Variants in CD44 observed in about 807,000 individuals in gnomAD.
The protein encoded by CD44 is CD44 antigen.
Under a neutral mutation model 88.8 loss-of-function variants are expected in CD44, and 49 were observed. That is an observed-to-expected ratio of 0.55 (90% CI 0.44 to 0.70). The LOEUF (loss-of-function observed/expected upper bound fraction) is 0.70, where lower values mean the gene tolerates loss of function less well. CD44 is among the 30% of genes least tolerant of loss of function. The pLI, the probability that CD44 is intolerant of heterozygous loss-of-function variation, is 0.00. For synonymous variants in CD44, 325 were observed against 312.3 expected (o/e 1.04, Z -0.43); for missense variants, 883 against 913.8 (o/e 0.97, Z 0.43).
At position 35,229,540 on chromosome 11, in the gene CD44, G is replaced by T; in HGVS notation, c.*207G>T. 1.8e-6 allele frequency: 1 copy of T among 545,326 alleles called. No homozygotes were observed. Among genetic ancestry groups the T allele is most frequent in the Admixed American group, 3.5e-5 (1 of 28,942 alleles). The allele number at this position is 545,326 out of a possible 1,614,324, so 33.8% of individuals were successfully genotyped here. A position where few individuals can be genotyped will look rare whatever the true frequency, so the allele number is the denominator to read the frequency against. On this transcript the variant is annotated 3_prime_UTR_variant, in exon 18 of 18. Coordinates refer to ENST00000428726, the MANE Select transcript of CD44 (RefSeq NM_000610.4). ...AACAGCATTGCTTTCTGAAATTAGG[G>T]CCCAATTAATAATCAGCAAGAATTT...
chr11:35,218,262 A>G (rs1591320954), intron 15 of CD44, among the ~76,000 whole-genome samples: 1 of 152,282 alleles, frequency 6.6e-6, no homozygotes, highest in East Asian at 1.9e-4. Flanking sequence ...GGTGTGTTTC[A>G]GTAATATATT....
At chr11:35,183,489 G>A (rs1368471085) in intron 3 of CD44, among the ~76,000 whole-genome samples, 1 of 152,160 alleles carries the variant, frequency 6.6e-6, no homozygotes, top group South Asian at 2.1e-4. Context: ...TCATTGCAAG[G>A]ATCCCTGAAT....
rs545893986 is a variant in CD44, at chr11:35,143,080, C to T, written c.67+3710C>T. Among the ~76,000 whole-genome samples, 4 of 152,254 alleles carry T rather than the reference C, an allele frequency of 2.6e-5. No homozygotes were observed. In the East Asian group the frequency reaches 7.7e-4, roughly 29 times the overall value. On this transcript the variant is annotated intron_variant, in intron 1 of 17. Coordinates refer to ENST00000428726, the MANE Select transcript of CD44 (RefSeq NM_000610.4). Reference sequence around the variant, plus strand: ...CAACATTTGTTTCACACCTTAAATACTACCTTACAGACTCATTACAGTTTT... The same window carrying T: ...CAACATTTGTTTCACACCTTAAATATTACCTTACAGACTCATTACAGTTTT...
intron 3 of CD44, among the ~76,000 whole-genome samples, chr11:35,184,208 A>T (rs976113720): frequency 3.9e-5 from 6 of 152,208 alleles, no homozygotes; most frequent in African/African-American, 1.4e-4. Context: ...TCAATCCACT[A>T]AGCATATTTG....
chr11:35,208,829 G>T (rs749115476), intron 12 of CD44, among the ~76,000 whole-genome samples: 1 of 152,124 alleles, frequency 6.6e-6, no homozygotes. Flanking sequence ...GCCTAAAGTC[G>T]TTCATAATTT....
At chr11:35,204,378 G>A (rs905784283) in intron 9 of CD44, 134 bp from the exon 10 acceptor site, 1 of 718,882 alleles carries the variant, frequency 1.4e-6, no homozygotes. Context: ...AATATCAGTG[G>A]CCTGTTTCCT....
chr11:35,163,077 T>G (rs1345819147), intron 1 of CD44, among the ~76,000 whole-genome samples: 11 of 152,176 alleles, frequency 7.2e-5, no homozygotes, highest in Non-Finnish European at 1.6e-4. Flanking sequence ...TTGTTGCAAA[T>G]AAATATTTTT....
chr11:35,190,792 A>C (rs1006478120), intron 5 of CD44, among the ~76,000 whole-genome samples: 1 of 152,224 alleles, frequency 6.6e-6, no homozygotes, highest in African/African-American at 2.4e-5. Context: ...AAATCAGCTT[A>C]AGAGCTCTAT....
chr11:35,158,373 A>G (rs900654891), intron 1 of CD44, among the ~76,000 whole-genome samples: 8 of 152,194 alleles, frequency 5.3e-5, no homozygotes, highest in South Asian at 4.1e-4. Context: ...TTGCAGAGAT[A>G]GAGTTGGGTT....
chr11:35,208,670 G>T (rs922342450), intron 12 of CD44, among the ~76,000 whole-genome samples: 2 of 152,118 alleles, frequency 1.3e-5, no homozygotes, highest in African/African-American at 4.8e-5. Flanking sequence ...GAGAGGCAAG[G>T]CATGTTATTG....
intron 7 of CD44, among the ~76,000 whole-genome samples, chr11:35,199,955 T>C (rs1255887779): frequency 1.4e-5 from 2 of 147,548 alleles, no homozygotes; most frequent in Admixed American, 1.4e-4. Flanking sequence ...TTTTTTTTTT[T>C]TTTTTTAATT....
chr11:35,188,597 AG>A (rs1945936144), intron 4 of CD44, among the ~76,000 whole-genome samples: 1 of 152,118 alleles, frequency 6.6e-6, no homozygotes, highest in Admixed American at 6.5e-5. Flanking sequence ...AGAGATTACC[AG>A]GGTGACTGAG....
chr11:35,172,487 A>G (rs189196001), intron 1 of CD44, among the ~76,000 whole-genome samples: 2 of 152,270 alleles, frequency 1.3e-5, no homozygotes, highest in Admixed American at 1.3e-4. Context: ...GCTGTTAATC[A>G]TTGGTCCTCT....
At chr11:35,149,773 C>CA (rs1047841345) in intron 1 of CD44, among the ~76,000 whole-genome samples, 1 of 151,948 alleles carries the variant, frequency 6.6e-6, no homozygotes, top group South Asian at 2.1e-4. Context: ...AAGGCAGTGT[C>CA]AAAAAAAATT....
rs74360598 is a variant in CD44, at chr11:35,217,542, G to A, written c.1874-1774G>A. Among the ~76,000 whole-genome samples the A allele has an allele frequency of 6.4e-3, 968 of 152,174 alleles. 12 individuals carry two copies. The highest frequency in any genetic ancestry group is 0.022 in the African/African-American group (929 of 41,514). The stretch of plus-strand genomic sequence containing the variant: ...GTTTTGGAGATTTGTAAAGTCAAAG[G>A]CCACTGTCAACATAGGATAGGGGAT... On this transcript the variant is annotated intron_variant, in intron 15 of 17. Transcript: ENST00000428726.
intron 1 of CD44, among the ~76,000 whole-genome samples, chr11:35,140,948 G>A (rs975669492): frequency 1.3e-5 from 2 of 150,264 alleles, no homozygotes; most frequent in Non-Finnish European, 3.0e-5. Flanking sequence ...TTGAACCTAG[G>A]AGGTGAAGGT....
intron 5 of CD44, among the ~76,000 whole-genome samples, chr11:35,192,121 A>G (rs1946326884): frequency 6.6e-6 from 1 of 152,204 alleles, no homozygotes; most frequent in Non-Finnish European, 1.5e-5. Flanking sequence ...GAGCTGAGAA[A>G]TGAATTGTGC....
At chr11:35,199,949 T>G (rs913327588) in intron 7 of CD44, among the ~76,000 whole-genome samples, 3 of 148,896 alleles carry the variant, frequency 2.0e-5, no homozygotes, top group East Asian at 1.9e-4. Context: ...TTTTTTTTTT[T>G]TTTTTTTTTT....
intron 4 of CD44, among the ~76,000 whole-genome samples, chr11:35,188,551 T>C (rs1339663981): frequency 6.6e-6 from 1 of 152,216 alleles, no homozygotes; most frequent in Non-Finnish European, 1.5e-5. Flanking sequence ...TGTAAGAGTG[T>C]GGTCAACAAT....
Sources: gnomAD v4.1 joint callset for allele counts (sites outside exome capture counted in the v4.1 genomes callset) on GRCh38, gnomAD v4.1.1 for gene constraint, MANE v1.5 for transcripts, NCBI Gene and HGNC (gene_info 2026-07-23, HGNC 2026-07-21) for gene names.